Variants in SLC6A2 observed in about 807,000 individuals in gnomAD.
SLC6A2 encodes sodium-dependent noradrenaline transporter.
A neutral mutation model predicts 71.7 loss-of-function variants in SLC6A2; 26 were observed. The ratio of observed to expected loss-of-function variants is 0.36; its 90% CI spans 0.27 to 0.50. The LOEUF (loss-of-function observed/expected upper bound fraction) is 0.50. SLC6A2 is among the 20% of genes least tolerant of loss of function. SLC6A2 has a pLI of 0.96. For missense variants in SLC6A2, 581 were observed against 803.9 expected (o/e 0.72, Z 3.35); for synonymous variants, 363 against 337.9 (o/e 1.07, Z -0.82).
At chr16:55,696,775 A>G (rs1219588410) in intron 9 of SLC6A2, among the ~76,000 whole-genome samples, 1 of 152,190 alleles carries the variant, frequency 6.6e-6, no homozygotes, top group Non-Finnish European at 1.5e-5. Context: ...TGAGGCCAGG[A>G]TGTCAAGACC....
chr16:55,694,719 G>A (rs1400154111), intron 7 of SLC6A2, among the ~76,000 whole-genome samples: 1 of 152,192 alleles, frequency 6.6e-6, no homozygotes, highest in Non-Finnish European at 1.5e-5. Context: ...GTAAGGAAAT[G>A]GGGTGATCAG....
intron 2 of SLC6A2, among the ~76,000 whole-genome samples, chr16:55,668,876 G>A (rs959831754): frequency 9.2e-5 from 14 of 152,162 alleles, no homozygotes; most frequent in Admixed American, 2.0e-4. Flanking sequence ...TCACAAGGCC[G>A]GAATGTGAAT....
chr16:55,689,698 A>G (rs1324790675), intron 5 of SLC6A2, among the ~76,000 whole-genome samples: 1 of 152,232 alleles, frequency 6.6e-6, no homozygotes, highest in African/African-American at 2.4e-5. Context: ...GAGACTGAAT[A>G]CAAGATTGAT....
At chr16:55,679,069 A>G (rs990277599) in intron 4 of SLC6A2, among the ~76,000 whole-genome samples, 11 of 152,220 alleles carry the variant, frequency 7.2e-5, no homozygotes, top group Non-Finnish European at 7.3e-5. Context: ...TTTCAGGGCA[A>G]GGATGATTGG....
At chr16:55,673,966 T>G (rs1965003256) in intron 4 of SLC6A2, among the ~76,000 whole-genome samples, 1 of 152,262 alleles carries the variant, frequency 6.6e-6, no homozygotes, top group Non-Finnish European at 1.5e-5. Context: ...TATGGGCTCC[T>G]GGATATTTAT....
chr16:55,702,479 C>T lies in SLC6A2; in HGVS notation c.*133C>T. 6.4e-7 allele frequency: 1 copy of T among 1,567,438 alleles called. No homozygotes were observed. The highest frequency in any genetic ancestry group is 2.4e-5 in the East Asian group (1 of 42,078). Reference sequence around the variant, plus strand: ...CCTTTCTGATCCTCTCTTCTTTTCCCATTTACAAATGATTTCGTGACTGTA... The same window carrying T: ...CCTTTCTGATCCTCTCTTCTTTTCCTATTTACAAATGATTTCGTGACTGTA... On this transcript the variant is annotated 3_prime_UTR_variant, in exon 15 of 15. Coordinates refer to ENST00000568943, the MANE Select transcript of SLC6A2 (RefSeq NM_001172501.3).
At chr16:55,693,274 C>A (rs749462105) in intron 6 of SLC6A2, among the ~76,000 whole-genome samples, 2 of 152,096 alleles carry the variant, frequency 1.3e-5, no homozygotes, top group South Asian at 2.1e-4. Flanking sequence ...GTAATCCCAG[C>A]CACTCAGGAT....
At chr16:55,702,017 C>T in intron 14 of SLC6A2, 83 bp downstream of exon 14, 3 of 1,090,342 alleles carry the variant, frequency 2.8e-6, no homozygotes, top group Non-Finnish European at 1.4e-6. Flanking sequence ...CAAGGCTAGA[C>T]ATCACATCCA....
In SLC6A2 at chr16:55,705,946, C is replaced by A. The variant is rs1485104148; in HGVS notation, c.*3600C>A. ...CATACCCTGTGAGTCCCAGGATCCA[C>A]AGCTCTGCTGTGGTCTTAGAAGCCA... On this transcript the variant is annotated 3_prime_UTR_variant, in exon 15 of 15. Transcript: ENST00000568943. The A allele has an allele frequency of 1.3e-5, 2 of 152,232 alleles. No individual in the cohort carries two copies. The highest frequency in any genetic ancestry group is 2.9e-5 in the Non-Finnish European group (2 of 68,064). The allele number at this position is 152,232 out of a possible 1,614,324, so 9.4% of individuals were successfully genotyped here. A position where few individuals can be genotyped will look rare whatever the true frequency, so the allele number is the denominator to read the frequency against.
At chr16:55,682,781 T>C (rs1422949139) in intron 4 of SLC6A2, among the ~76,000 whole-genome samples, 24 of 152,180 alleles carry the variant, frequency 1.6e-4, no homozygotes, top group Admixed American at 1.6e-3. Context: ...TGTTGGGCAA[T>C]GTGCAGCTGA....
At chr16:55,675,590 G>A (rs767110304) in intron 4 of SLC6A2, among the ~76,000 whole-genome samples, 6 of 152,126 alleles carry the variant, frequency 3.9e-5, no homozygotes, top group South Asian at 2.1e-4. Context: ...AAAACTTCCC[G>A]CCATGATAGA....
chr16:55,656,641 C>T lies in SLC6A2; in HGVS notation c.-51-3C>T. On this transcript the variant is annotated splice_polypyrimidine_tract_variant and splice_region_variant and intron_variant, in intron 1 of 14. Transcript: ENST00000568943. The surrounding 1 kb of genome is among the most constrained non-coding windows in gnomAD (Gnocchi z 4.5). Reference sequence around the variant, plus strand: ...ACCACCTCTTTTCCCTTTATCCAAGCAGAGCCTCGGCGTGCCCCCAGGACC... The same window carrying T: ...ACCACCTCTTTTCCCTTTATCCAAGTAGAGCCTCGGCGTGCCCCCAGGACC... 1 of 1,607,634 alleles carries T rather than the reference C, an allele frequency of 6.2e-7. No homozygotes were observed. Among genetic ancestry groups the T allele is most frequent in the African/African-American group, 1.3e-5 (1 of 74,800 alleles).
At chr16:55,670,037 A>C (rs1964861936) in intron 3 of SLC6A2, among the ~76,000 whole-genome samples, 1 of 152,248 alleles carries the variant, frequency 6.6e-6, no homozygotes, top group African/African-American at 2.4e-5. Flanking sequence ...GGCAGGCGTT[A>C]GAAGTTGATC....
chr16:55,672,324 G>A (rs1305531168), intron 4 of SLC6A2, 149 bp downstream of exon 4: 2 of 1,417,860 alleles, frequency 1.4e-6, no homozygotes, highest in African/African-American at 2.8e-5. Context: ...TGCTGGGTGA[G>A]AGGCTGAGGA....
At chr16:55,696,564 C>T (rs1467681605) in intron 9 of SLC6A2, among the ~76,000 whole-genome samples, 1 of 152,190 alleles carries the variant, frequency 6.6e-6, no homozygotes, top group Non-Finnish European at 1.5e-5. Context: ...CTTGGAAATC[C>T]AAAAGAAGAG....
In SLC6A2 at chr16:55,703,003, G is replaced by A; in HGVS notation, c.*657G>A. 1.0e-6 allele frequency: 1 copy of A among 987,004 alleles called. No homozygotes were observed. The highest frequency in any genetic ancestry group is 1.7e-5 in the African/African-American group (1 of 57,362). 61.1% of individuals were successfully genotyped at this position (987,004 alleles called of 1,614,324 possible). On this transcript the variant is annotated 3_prime_UTR_variant, in exon 15 of 15. Transcript: ENST00000568943. ...ATCTGAGTTTGATGTGTGTGTTCTG[G>A]AACATTCCTCCAGCTTTTGGTGGTC...
At chr16:55,680,144 G>A (rs1965224713) in intron 4 of SLC6A2, among the ~76,000 whole-genome samples, 2 of 152,200 alleles carry the variant, frequency 1.3e-5, no homozygotes, top group African/African-American at 2.4e-5. Flanking sequence ...TTTGGAGGCA[G>A]GAGAGTGGCA....
At chr16:55,689,052 G>T (rs1965537558) in intron 5 of SLC6A2, among the ~76,000 whole-genome samples, 1 of 152,196 alleles carries the variant, frequency 6.6e-6, no homozygotes, top group Non-Finnish European at 1.5e-5. Flanking sequence ...CTTTCTTGAT[G>T]TTGTGCTCAA....
chr16:55,669,379 T>C (rs1964841356), intron 2 of SLC6A2, among the ~76,000 whole-genome samples, 186 bp from the exon 3 acceptor site: 1 of 152,222 alleles, frequency 6.6e-6, no homozygotes, highest in Non-Finnish European at 1.5e-5. Flanking sequence ...CTCACTATTA[T>C]GGTTATGATT....
Sources: allele counts gnomAD v4.1 joint callset (sites outside exome capture counted in the v4.1 genomes callset), GRCh38; gene constraint gnomAD v4.1.1; non-coding constraint Gnocchi (gnomAD v3.1); transcripts MANE v1.5; gene names NCBI Gene and HGNC (gene_info 2026-07-23, HGNC 2026-07-21).